The following CEP112 variants were observed in gnomAD, a reference collection of about 807,000 sequenced individuals.
CEP112 encodes centrosomal protein 112.
Under a neutral mutation model 153.0 loss-of-function variants are expected in CEP112, and 127 were observed. The observed-to-expected ratio is 0.83, with a 90% CI of 0.72 to 0.96. The LOEUF (loss-of-function observed/expected upper bound fraction) is 0.96, where lower values mean the gene tolerates loss of function less well. Ranked by LOEUF, CEP112 falls within the 40% of genes least tolerant of loss-of-function variation. The pLI is 0.00. For missense variants in CEP112, 1,089 were observed against 1,101.2 expected, an observed-to-expected ratio of 0.99 and a Z score of 0.16; for synonymous variants, 358 against 374.4, an observed-to-expected ratio of 0.96 and a Z score of 0.51.
chr17:65,953,650 C>T (rs768302507), intron 18 of CEP112, among the ~76,000 whole-genome samples: 1 of 142,330 alleles, frequency 7.0e-6, no homozygotes, highest in Non-Finnish European at 1.5e-5. Flanking sequence ...GGACTGAGGG[C>T]TGTGTGGGAG....
chr17:65,729,204 C>T (rs1295014595), intron 23 of CEP112, among the ~76,000 whole-genome samples: 1 of 151,976 alleles, frequency 6.6e-6, no homozygotes, highest in Non-Finnish European at 1.5e-5. Flanking sequence ...AAGACAAAAA[C>T]ACACACATTA....
At chr17:65,962,865 C>T (rs1483111617) in intron 17 of CEP112, among the ~76,000 whole-genome samples, 2 of 152,182 alleles carry the variant, frequency 1.3e-5, no homozygotes, top group Non-Finnish European at 2.9e-5. Context: ...TCCCCAGCCA[C>T]GTGGAACTGT....
intron 18 of CEP112, among the ~76,000 whole-genome samples, chr17:65,952,414 G>T (rs1329858637): frequency 6.6e-6 from 1 of 151,872 alleles, no homozygotes; most frequent in East Asian, 1.9e-4. Flanking sequence ...CATTCAGCAG[G>T]ATTTTGAGAT....
At chr17:65,660,177 C>CTCCTTCCTTCCTTCCT (rs71158401) in intron 24 of CEP112, among the ~76,000 whole-genome samples, 32,438 of 139,170 alleles carry the variant, frequency 0.23, 4,230 homozygotes, top group Middle Eastern at 0.3. Context: ...ACCTTGATTT[C>CTCCTTCCTTCCTTCCT]TCCTTCCTTC....
chr17:65,967,221 G>A (rs888337434), intron 17 of CEP112, among the ~76,000 whole-genome samples: 3 of 152,168 alleles, frequency 2.0e-5, no homozygotes, highest in African/African-American at 7.2e-5. Context: ...CCTGTTGGTT[G>A]AAGCATGTTA....
At chr17:65,652,820 A>G (rs1245999023) in intron 24 of CEP112, among the ~76,000 whole-genome samples, 1 of 152,218 alleles carries the variant, frequency 6.6e-6, no homozygotes, top group Non-Finnish European at 1.5e-5. Flanking sequence ...TGAGTGTCTT[A>G]GTTTGGGCTG....
chr17:66,051,675 T>A (rs1431322104), intron 12 of CEP112, among the ~76,000 whole-genome samples: 1 of 152,168 alleles, frequency 6.6e-6, no homozygotes, highest in Non-Finnish European at 1.5e-5. Context: ...AAGATATATG[T>A]GTCATACGCC....
chr17:65,738,247 G>A (rs1358621865), intron 23 of CEP112, among the ~76,000 whole-genome samples: 1 of 152,134 alleles, frequency 6.6e-6, no homozygotes, highest in Non-Finnish European at 1.5e-5. Flanking sequence ...ATAGGATATG[G>A]TTTAAAAATT....
intron 8 of CEP112, among the ~76,000 whole-genome samples, chr17:66,086,607 C>T (rs980101198): frequency 6.6e-6 from 1 of 151,326 alleles, no homozygotes; most frequent in African/African-American, 2.4e-5. Flanking sequence ...GGGGTTTCAC[C>T]ATTTTAGCCA....
intron 25 of CEP112, among the ~76,000 whole-genome samples, chr17:65,638,096 G>A (rs1483115740): frequency 6.6e-6 from 1 of 152,224 alleles, no homozygotes; most frequent in African/African-American, 2.4e-5. Flanking sequence ...AGGATGACAT[G>A]AAACAACTAT....
At chr17:65,902,006 G>GGGGGGAAAAAAAAAAAAAAA in intron 20 of CEP112, 146 bp downstream of exon 20, 1 of 243,086 alleles carries the variant, frequency 4.1e-6, no homozygotes, top group Non-Finnish European at 6.9e-6. Context: ...GGGTGGGGGG[G>GGGGGGAAAAAAAAAAAAAAA]AGAAAAACAA....
At chr17:66,110,907 A>C (rs572642006) in intron 6 of CEP112, among the ~76,000 whole-genome samples, 10 of 152,318 alleles carry the variant, frequency 6.6e-5, no homozygotes, top group Admixed American at 2.0e-4. Context: ...CAGCAAAAGA[A>C]ACTATCAAGA....
chr17:65,732,645 G>C (rs886611583), intron 23 of CEP112, among the ~76,000 whole-genome samples: 4 of 152,224 alleles, frequency 2.6e-5, no homozygotes, highest in African/African-American at 9.6e-5. Context: ...TAGATCTTCT[G>C]GGTATCTTGC....
intron 21 of CEP112, among the ~76,000 whole-genome samples, chr17:65,793,518 A>C (rs1409228354): frequency 6.6e-6 from 1 of 152,224 alleles, no homozygotes. Flanking sequence ...TAAACAAAAA[A>C]TAAAAACTAA....
At chr17:66,169,492 G>A (rs1168953124) in intron 4 of CEP112, among the ~76,000 whole-genome samples, 1 of 151,908 alleles carries the variant, frequency 6.6e-6, no homozygotes, top group Non-Finnish European at 1.5e-5. Context: ...CACCATATTG[G>A]CCAAGCTGGT....
At chr17:66,119,077 G>A (rs1001837082) in intron 6 of CEP112, among the ~76,000 whole-genome samples, 3 of 152,142 alleles carry the variant, frequency 2.0e-5, no homozygotes, top group Non-Finnish European at 4.4e-5. Context: ...ATGATCCTCA[G>A]CAAACTAATG....
chr17:65,636,757 G>A lies in CEP112; in HGVS notation c.2864+367C>T, dbSNP rs546324135. The stretch of plus-strand genomic sequence containing the variant: ...CTCCTGAGTAGCTGGGATTATAGGC[G>A]TGTGCCACCATACCTAGCTAATTTT... On this transcript the variant is annotated intron_variant, in intron 26 of 26. Coordinates refer to ENST00000535342, the MANE Select transcript of CEP112 (RefSeq NM_001199165.4). The A allele has an allele frequency of 9.3e-5, 18 of 193,320 alleles. No homozygotes were observed. The East Asian group carries it at 1.4e-3, about 15-fold the overall frequency. 12.0% of individuals were successfully genotyped at this position (193,320 alleles called of 1,614,324 possible). A position where few individuals can be genotyped will look rare whatever the true frequency, so the allele number is the denominator to read the frequency against.
intron 17 of CEP112, among the ~76,000 whole-genome samples, chr17:65,987,660 TTATCACCAGCAA>T (rs149704658): frequency 0.064 from 9,809 of 152,080 alleles, 450 homozygotes; most frequent in South Asian, 0.12. Flanking sequence ...AGCACTGAGA[TTATCACCAGCAA>T]TATCACAGAA....
chr17:65,776,222 A>G (rs1401385527), intron 21 of CEP112, among the ~76,000 whole-genome samples: 2 of 151,844 alleles, frequency 1.3e-5, no homozygotes, highest in East Asian at 1.9e-4. Flanking sequence ...CCTGACCGGC[A>G]TAGCTGCCCG....
Sources: gnomAD v4.1 joint callset for allele counts (sites outside exome capture counted in the v4.1 genomes callset) on GRCh38, gnomAD v4.1.1 for gene constraint, MANE v1.5 for transcripts, NCBI Gene and HGNC (gene_info 2026-07-23, HGNC 2026-07-21) for gene names.